RNASE4: variants seen among roughly 807,000 people sequenced by gnomAD.
RNASE4 encodes the protein ribonuclease A family member 4, also known as ribonuclease 4.
For synonymous variants in RNASE4, 93 were observed against 71.4 expected (o/e 1.30, Z -1.52); for missense variants, 194 against 192.8 (o/e 1.01, Z -0.04).
chr14:20,696,418 T>A (rs1452115679), intron 1 of RNASE4, among the ~76,000 whole-genome samples: 1 of 152,124 alleles, frequency 6.6e-6, no homozygotes, highest in African/African-American at 2.4e-5. Flanking sequence ...CGTGAATCAA[T>A]TGAAGAATTG....
At chr14:20,697,458 C>G (rs534833191) in intron 1 of RNASE4, among the ~76,000 whole-genome samples, 1 of 152,284 alleles carries the variant, frequency 6.6e-6, no homozygotes, top group East Asian at 1.9e-4. Context: ...TCTACAGCTG[C>G]AGGCACACAG....
chr14:20,684,917 C>A (rs1886352293), intron 1 of RNASE4, among the ~76,000 whole-genome samples, 159 bp downstream of exon 1: 1 of 152,060 alleles, frequency 6.6e-6, no homozygotes, highest in Non-Finnish European at 1.5e-5. Context: ...ACGTGAAAGT[C>A]CCGTATTTGT....
At position 20,696,619 on chromosome 14, in the gene RNASE4, T is replaced by C. The variant is rs191649751; in HGVS notation, c.-17-2736T>C. Among the ~76,000 whole-genome samples the C allele has an allele frequency of 8.5e-4, 129 of 152,096 alleles. 1 individual carries two copies. The highest frequency in any genetic ancestry group is 2.9e-3 in the African/African-American group (120 of 41,462). On this transcript the variant is annotated intron_variant, in intron 1 of 1. Coordinates refer to ENST00000555835, the MANE Select transcript of RNASE4 (RefSeq NM_002937.5). ...AAACAGACTTCCAATATCTTGAGAA[T>C]ACAGTTAGCTCTACGAAATAAAGAG...
intron 1 of RNASE4, among the ~76,000 whole-genome samples, chr14:20,692,878 C>T (rs971525078): frequency 3.3e-5 from 5 of 152,130 alleles, no homozygotes; most frequent in Admixed American, 2.6e-4. Context: ...GACGGAGTCT[C>T]GCTCTGTCGC....
intron 1 of RNASE4, among the ~76,000 whole-genome samples, chr14:20,696,952 C>T (rs1887113840): frequency 6.6e-6 from 1 of 152,168 alleles, no homozygotes; most frequent in Non-Finnish European, 1.5e-5. Context: ...GAAGTTCTTA[C>T]TGTGAGTCAG....
chr14:20,686,909 G>A (rs891180813), intron 1 of RNASE4, among the ~76,000 whole-genome samples: 4 of 152,184 alleles, frequency 2.6e-5, no homozygotes, highest in Non-Finnish European at 5.9e-5. Context: ...GTATGAAGGA[G>A]GAAAGTGCTC....
intron 1 of RNASE4, among the ~76,000 whole-genome samples, chr14:20,695,837 T>C (rs1887075847): frequency 6.6e-6 from 1 of 152,268 alleles, no homozygotes; most frequent in South Asian, 2.1e-4. Flanking sequence ...GTAGCTGGTA[T>C]GTGCTTAGCA....
At chr14:20,689,941 C>T (rs1229263522) in intron 1 of RNASE4, among the ~76,000 whole-genome samples, 1 of 144,002 alleles carries the variant, frequency 6.9e-6, no homozygotes, top group Non-Finnish European at 1.5e-5. Context: ...ACAGGCCGGG[C>T]GCGGTGGCTC....
At chr14:20,699,293 A>G in intron 1 of RNASE4, 62 bp from the exon 2 acceptor site, 1 of 1,422,014 alleles carries the variant, frequency 7.0e-7, no homozygotes, top group Non-Finnish European at 9.4e-7. Flanking sequence ...TGCTATTCTC[A>G]ACACCTTTTT....
In RNASE4 at chr14:20,699,220, G is replaced by A. The variant is rs145062531; in HGVS notation, c.-17-135G>A. On this transcript the variant is annotated intron_variant, in intron 1 of 1. Coordinates refer to ENST00000555835, the MANE Select transcript of RNASE4 (RefSeq NM_002937.5). ...GAAGGGTGGGAAAAGTAGCAGAGAT[G>A]AGTGGGGAGATGGTGCATATAAGAA... The A allele has an allele frequency of 6.0e-5, 41 of 684,542 alleles. No homozygotes were observed. In the African/African-American group the frequency reaches 6.1e-4, roughly 10 times the overall value. The allele number at this position is 684,542 out of a possible 1,614,324, so 42.4% of individuals were successfully genotyped here.
Position 20,688,830 on chromosome 14 carries a change from C to T in RNASE4, c.-18+4072C>T, listed in dbSNP as rs373246782. The T allele has an allele frequency of 1.9e-4, 184 of 985,364 alleles. 1 individual carries two copies. In the South Asian group the frequency reaches 7.2e-3, roughly 38 times the overall value. 61.0% of individuals were successfully genotyped at this position (985,364 alleles called of 1,614,324 possible). ...GAACAAACAGCTGGAACCCATCTCC[C>T]GTTGAAGGGAAACTGCCAGATTTTT... On this transcript the variant is annotated intron_variant, in intron 1 of 1. Transcript: ENST00000555835.
intron 1 of RNASE4, among the ~76,000 whole-genome samples, chr14:20,695,737 A>G (rs1418976359): frequency 1.3e-5 from 2 of 152,146 alleles, no homozygotes; most frequent in Non-Finnish European, 2.9e-5. Context: ...GCTCCCCAAT[A>G]CTCAGGTTAT....
intron 1 of RNASE4, 60 bp from the exon 2 acceptor site, chr14:20,699,295 C>T (rs1217624310): frequency 2.7e-5 from 39 of 1,425,554 alleles, no homozygotes; most frequent in Non-Finnish European, 3.1e-5. Flanking sequence ...CTATTCTCAA[C>T]ACCTTTTTCC....
At chr14:20,699,086 C>A in intron 1 of RNASE4, 1 of 323,734 alleles carries the variant, frequency 3.1e-6, no homozygotes, top group South Asian at 8.0e-5. Context: ...GCCACGCAGT[C>A]AGTCCCTGCC....
intron 1 of RNASE4, among the ~76,000 whole-genome samples, chr14:20,689,700 T>A (rs889174468): frequency 6.6e-6 from 1 of 152,060 alleles, no homozygotes; most frequent in Non-Finnish European, 1.5e-5. Flanking sequence ...CCGGATCAAC[T>A]GAGGTCAGGA....
chr14:20,688,643 A>C (rs1886539919), intron 1 of RNASE4: 5 of 974,002 alleles, frequency 5.1e-6, no homozygotes, highest in Non-Finnish European at 6.1e-6. Flanking sequence ...TATCTAACCC[A>C]ATCATGCCCA....
At chr14:20,696,307 G>A (rs914038008) in intron 1 of RNASE4, among the ~76,000 whole-genome samples, 1 of 152,174 alleles carries the variant, frequency 6.6e-6, no homozygotes, top group African/African-American at 2.4e-5. Context: ...TGGCACCTGA[G>A]CAAGCATTCC....
intron 1 of RNASE4, among the ~76,000 whole-genome samples, chr14:20,693,065 T>C (rs569346622): frequency 6.6e-6 from 1 of 151,700 alleles, no homozygotes; most frequent in South Asian, 2.1e-4. Context: ...GCCAGGATGG[T>C]CTCGATCTCC....
rs151144001 is a variant in RNASE4, at chr14:20,699,542, G to A, written c.171G>A (p.Met57Ile). Residue 57 changes from methionine (M) to isoleucine (I), a missense_variant, in exon 2 of 2, where the codon ATG becomes ATA. Transcript: ENST00000555835. ...GGSDRYCNLM[M>I]QRRKMTLYHC... The stretch of plus-strand genomic sequence containing the variant: ...GTGATCGCTACTGCAACTTGATGAT[G>A]CAAAGACGGAAGATGACTTTGTATC... The A allele has an allele frequency of 7.4e-6, 12 of 1,614,058 alleles. No individual in the cohort carries two copies. The African/African-American group carries it at 1.3e-4, about 18-fold the overall frequency.
Sources: allele counts gnomAD v4.1 joint callset (sites outside exome capture counted in the v4.1 genomes callset), GRCh38; gene constraint gnomAD v4.1.1; transcripts MANE v1.5; gene names NCBI Gene and HGNC (gene_info 2026-07-23, HGNC 2026-07-21).